Variants in KIAA1217 observed in about 807,000 individuals in gnomAD.
The protein encoded by KIAA1217 is KIAA1217, also known as sickle tail protein homolog.
Under a neutral mutation model 163.9 loss-of-function variants are expected in KIAA1217, and 88 were observed. The ratio of observed to expected loss-of-function variants is 0.54; its 90% CI spans 0.45 to 0.64. The LOEUF (loss-of-function observed/expected upper bound fraction) is 0.64, where lower values mean the gene tolerates loss of function less well. Among genes scored for constraint, KIAA1217 ranks in the 30% least tolerant of loss-of-function variants. KIAA1217 has a pLI of 0.00. For missense variants in KIAA1217, 2,372 were observed against 2,475.0 expected (o/e 0.96, Z 0.88); for synonymous variants, 903 against 923.1 (o/e 0.98, Z 0.39).
At chr10:23,960,061 G>A (rs530131017) in intron 1 of KIAA1217, among the ~76,000 whole-genome samples, 81 of 150,932 alleles carry the variant, frequency 5.4e-4, no homozygotes, top group African/African-American at 1.6e-3. Context: ...AACTACAGGC[G>A]CCTGCCACCA....
intron 2 of KIAA1217, among the ~76,000 whole-genome samples, chr10:24,328,346 G>A (rs969514): frequency 0.05 from 7,602 of 152,196 alleles, 277 homozygotes; most frequent in East Asian, 0.2. Context: ...CATCATGGGT[G>A]AGGGGTCTGA....
At chr10:23,765,189 T>C (rs1219909870) in intron 1 of KIAA1217, among the ~76,000 whole-genome samples, 5 of 118,866 alleles carry the variant, frequency 4.2e-5, no homozygotes, top group African/African-American at 1.1e-4. Flanking sequence ...TTTGTTCTCT[T>C]TTTTTTTTTT....
At chr10:23,934,078 C>T (rs1367143340) in intron 1 of KIAA1217, among the ~76,000 whole-genome samples, 2 of 152,142 alleles carry the variant, frequency 1.3e-5, no homozygotes, top group African/African-American at 4.8e-5. Context: ...ACTATAAAAA[C>T]AGATGCTGCA....
intron 5 of KIAA1217, among the ~76,000 whole-genome samples, chr10:24,451,128 G>C (rs987997722): frequency 6.6e-6 from 1 of 152,124 alleles, no homozygotes; most frequent in Non-Finnish European, 1.5e-5. Flanking sequence ...TTGGATAAAC[G>C]ACTCTTCCTT....
intron 2 of KIAA1217, among the ~76,000 whole-genome samples, chr10:24,118,147 C>T (rs1386134745): frequency 1.5e-5 from 2 of 136,516 alleles, no homozygotes; most frequent in East Asian, 4.4e-4. Flanking sequence ...CCTCAAATAA[C>T]GGTTAAAAAA....
chr10:23,710,330 G>A (rs1173973532), intron 1 of KIAA1217, among the ~76,000 whole-genome samples: 2 of 152,194 alleles, frequency 1.3e-5, no homozygotes, highest in Admixed American at 1.3e-4. Context: ...AACAGTTGAA[G>A]AAGCTCCCAT....
intron 2 of KIAA1217, among the ~76,000 whole-genome samples, chr10:24,240,007 G>C (rs1218772893): frequency 3.9e-5 from 6 of 152,128 alleles, no homozygotes; most frequent in Admixed American, 2.6e-4. Flanking sequence ...GGAGGAAGGT[G>C]GGGTGTGGGT....
intron 1 of KIAA1217, among the ~76,000 whole-genome samples, chr10:23,933,445 A>G (rs1473730882): frequency 1.3e-5 from 2 of 152,182 alleles, no homozygotes; most frequent in Admixed American, 6.5e-5. Flanking sequence ...CTTCTATTGT[A>G]AAATCATTGC....
intron 2 of KIAA1217, among the ~76,000 whole-genome samples, chr10:24,248,376 G>A (rs981634428): frequency 1.2e-4 from 18 of 152,048 alleles, no homozygotes; most frequent in Non-Finnish European, 1.6e-4. Flanking sequence ...AATGTATACC[G>A]AAATGTCCTT....
At chr10:23,895,809 G>A (rs1008360829) in intron 1 of KIAA1217, among the ~76,000 whole-genome samples, 1 of 151,902 alleles carries the variant, frequency 6.6e-6, no homozygotes, top group African/African-American at 2.4e-5. Flanking sequence ...ATACTATGCA[G>A]TCATAAAAAA....
At position 23,934,608 on chromosome 10, in the gene KIAA1217, T is replaced by TAC. The variant is rs1491465319; in HGVS notation, c.-320-72616_-320-72615insCA. Among the ~76,000 whole-genome samples, 3 of 78,410 alleles carry TAC rather than the reference T, an allele frequency of 3.8e-5. No individual in the cohort carries two copies. The African/African-American group carries it at 4.0e-4, about 11-fold the overall frequency. The allele number at this position is 78,410 out of a possible 152,430, so 51.4% of individuals were successfully genotyped here. On this transcript the variant is annotated intron_variant, in intron 1 of 18. Transcript: ENST00000376462. Reference sequence around the variant, plus strand: ...ATATATATGTATATATATATATATGTATATATATATATATATATTTTTTTT... The same window carrying TAC: ...ATATATATGTATATATATATATATGTACATATATATATATATATATTTTTTTT...
chr10:24,182,164 A>G (rs1173339155), intron 2 of KIAA1217, among the ~76,000 whole-genome samples: 1 of 152,174 alleles, frequency 6.6e-6, no homozygotes, highest in African/African-American at 2.4e-5. Flanking sequence ...GGCTGGAAGC[A>G]GTGGCTTATG....
intron 2 of KIAA1217, among the ~76,000 whole-genome samples, chr10:24,231,368 C>G (rs537188925): frequency 2.0e-5 from 3 of 152,066 alleles, no homozygotes; most frequent in Non-Finnish European, 4.4e-5. Flanking sequence ...GTGGTGAGTA[C>G]GCAGAAAGTG....
intron 1 of KIAA1217, among the ~76,000 whole-genome samples, chr10:23,830,268 C>T (rs1214579285): frequency 6.6e-6 from 1 of 152,108 alleles, no homozygotes; most frequent in Admixed American, 6.5e-5. Flanking sequence ...GAATGTTTCA[C>T]CTATTTTGTG....
chr10:24,477,260 T>C (rs1304080170), intron 6 of KIAA1217, among the ~76,000 whole-genome samples: 2 of 152,222 alleles, frequency 1.3e-5, no homozygotes, highest in African/African-American at 2.4e-5. Flanking sequence ...CCAAGCACTA[T>C]GTGAAGTGGT....
intron 5 of KIAA1217, among the ~76,000 whole-genome samples, chr10:24,442,911 ATTT>A (rs72335041): frequency 7.3e-6 from 1 of 136,568 alleles, no homozygotes. Context: ...CTTTTGTGGG[ATTT>A]TTTTTTTTTT....
At chr10:23,812,935 G>A (rs1837141101) in intron 1 of KIAA1217, among the ~76,000 whole-genome samples, 1 of 152,042 alleles carries the variant, frequency 6.6e-6, no homozygotes, top group African/African-American at 2.4e-5. Context: ...GTGGACCTAT[G>A]TTTTTCTCTC....
At chr10:23,704,082 A>G (rs1057426414) in intron 1 of KIAA1217, among the ~76,000 whole-genome samples, 9 of 145,554 alleles carry the variant, frequency 6.2e-5, no homozygotes, top group Admixed American at 4.8e-4. Flanking sequence ...TACACAATAT[A>G]TATGTGTGTA....
chr10:23,790,482 TATATACATATATACATGTGC>T (rs1835818049), intron 1 of KIAA1217, among the ~76,000 whole-genome samples: 2 of 111,904 alleles, frequency 1.8e-5, no homozygotes, highest in South Asian at 2.5e-4. Flanking sequence ...TACATGTGCA[TATATACATATATACATGTGC>T]ATATATACAT....
Sources: gnomAD v4.1 joint callset for allele counts (sites outside exome capture counted in the v4.1 genomes callset) on GRCh38, gnomAD v4.1.1 for gene constraint, MANE v1.5 for transcripts, NCBI Gene and HGNC (gene_info 2026-07-23, HGNC 2026-07-21) for gene names.